TMC2: variants seen among roughly 807,000 people sequenced by gnomAD.
TMC2 encodes transmembrane channel-like protein 2.
A neutral mutation model predicts 105.9 loss-of-function variants in TMC2; 102 were observed. That is an observed-to-expected ratio of 0.96 (90% confidence interval 0.82 to 1.14). The LOEUF is 1.14. TMC2 is among the 50% of genes most tolerant of loss of function. The probability of loss-of-function intolerance (pLI) is 0.00; values close to 1 mark genes in which losing one functional copy is unlikely to be tolerated. For missense variants in TMC2, 1,093 were observed against 1,134.3 expected (o/e 0.96, Z 0.52); for synonymous variants, 402 against 422.8 (o/e 0.95, Z 0.60).
Position 2,575,723 on chromosome 20 carries a change from C to T in TMC2, c.646-3423C>T, listed in dbSNP as rs114323385. Among the ~76,000 whole-genome samples, 934 of 152,074 alleles carry T rather than the reference C, an allele frequency of 6.1e-3. 13 individuals are homozygous for T. The highest frequency in any genetic ancestry group is 0.022 in the African/African-American group (898 of 41,470). On this transcript the variant is annotated intron_variant, in intron 5 of 19. Transcript: ENST00000358864. Reference sequence around the variant, plus strand: ...GGATTGCCTCCCCCCACCCCCATCCCCCATATTTACTTTTCCACGTTATTT... The same window carrying T: ...GGATTGCCTCCCCCCACCCCCATCCTCCATATTTACTTTTCCACGTTATTT...
intron 18 of TMC2, among the ~76,000 whole-genome samples, chr20:2,636,930 C>G (rs1327308652): frequency 6.6e-6 from 1 of 152,150 alleles, no homozygotes; most frequent in African/African-American, 2.4e-5. Context: ...GTTAATCTCA[C>G]TGGGCTCCTG....
intron 7 of TMC2, among the ~76,000 whole-genome samples, chr20:2,585,026 C>A (rs2086222825): frequency 6.6e-6 from 1 of 152,116 alleles, no homozygotes; most frequent in Non-Finnish European, 1.5e-5. Flanking sequence ...ATTTCTGTTC[C>A]CAAAGTTTTG....
chr20:2,602,084 T>C, intron 10 of TMC2, 29 bp from the exon 11 acceptor site: 1 of 1,559,180 alleles, frequency 6.4e-7, no homozygotes, highest in South Asian at 1.2e-5. Flanking sequence ...GGCCTGACAT[T>C]TATGCACATC....
At chr20:2,593,322 A>G (rs2086282274) in intron 8 of TMC2, among the ~76,000 whole-genome samples, 1 of 152,234 alleles carries the variant, frequency 6.6e-6, no homozygotes, top group Non-Finnish European at 1.5e-5. Context: ...ATTGAAGATG[A>G]GATTTGGCTG....
chr20:2,543,718 G>T (rs945204986), intron 2 of TMC2, among the ~76,000 whole-genome samples: 2 of 152,140 alleles, frequency 1.3e-5, no homozygotes, highest in African/African-American at 4.8e-5. Context: ...TCAGTATGAG[G>T]GAAGATGGTT....
chr20:2,543,911 T>G (rs952844633), intron 2 of TMC2, among the ~76,000 whole-genome samples: 1 of 151,542 alleles, frequency 6.6e-6, no homozygotes, highest in Non-Finnish European at 1.5e-5. Context: ...CAGTTTTTTT[T>G]TTTTTTTTTG....
chr20:2,623,689 G>T (rs1471626183), intron 16 of TMC2, among the ~76,000 whole-genome samples: 2 of 152,192 alleles, frequency 1.3e-5, no homozygotes, highest in Non-Finnish European at 2.9e-5. Flanking sequence ...GCATCCAGGA[G>T]TCTCTGGGCC....
chr20:2,553,086 T>C (rs1487042007), intron 2 of TMC2, among the ~76,000 whole-genome samples: 4 of 152,222 alleles, frequency 2.6e-5, no homozygotes, highest in Non-Finnish European at 5.9e-5. Context: ...TAGTCTACTG[T>C]TAATATCCTT....
intron 17 of TMC2, among the ~76,000 whole-genome samples, chr20:2,633,670 C>T (rs1385228874): frequency 2.0e-5 from 3 of 152,164 alleles, no homozygotes; most frequent in African/African-American, 7.2e-5. Flanking sequence ...TTAAGGTGCT[C>T]CAAATCCATT....
intron 7 of TMC2, among the ~76,000 whole-genome samples, chr20:2,585,836 C>T (rs1471724387): frequency 6.6e-6 from 1 of 152,148 alleles, no homozygotes; most frequent in Non-Finnish European, 1.5e-5. Flanking sequence ...GGAAATAGAG[C>T]AAAAAGAAGC....
chr20:2,639,574 CACA>C (rs1363757319), intron 19 of TMC2, among the ~76,000 whole-genome samples: 3 of 152,172 alleles, frequency 2.0e-5, no homozygotes, highest in Admixed American at 6.5e-5. Flanking sequence ...ATGATGGTCA[CACA>C]ACAACAAAAT....
intron 17 of TMC2, among the ~76,000 whole-genome samples, chr20:2,634,052 T>C (rs1209299919): frequency 6.6e-6 from 1 of 152,236 alleles, no homozygotes; most frequent in African/African-American, 2.4e-5. Flanking sequence ...TCATCTTTGT[T>C]GTTCCTTAGA....
At chr20:2,539,985 C>CTTT (rs1359747232) in intron 2 of TMC2, among the ~76,000 whole-genome samples, 2 of 113,662 alleles carry the variant, frequency 1.8e-5, no homozygotes, top group African/African-American at 6.4e-5. Flanking sequence ...CTTTTCTTTT[C>CTTT]TTTTCTTTTT....
At chr20:2,546,259 G>A (rs1256205510) in intron 2 of TMC2, among the ~76,000 whole-genome samples, 2 of 152,192 alleles carry the variant, frequency 1.3e-5, no homozygotes, top group East Asian at 3.8e-4. Flanking sequence ...GAATGAAACT[G>A]GGTAGCTCCT....
chr20:2,577,668 T>C (rs540508650), intron 5 of TMC2, among the ~76,000 whole-genome samples: 65 of 152,224 alleles, frequency 4.3e-4, no homozygotes, highest in Non-Finnish European at 5.1e-4. Flanking sequence ...TCCTAACACT[T>C]TGGGAGGCTG....
In TMC2 at chr20:2,537,319, G is replaced by C; in HGVS notation, c.82+3G>C. The C allele has an allele frequency of 6.3e-7, 1 of 1,598,146 alleles. No individual in the cohort carries two copies. Among genetic ancestry groups the C allele is most frequent in the South Asian group, 1.1e-5 (1 of 88,224 alleles). Reference sequence around the variant, plus strand: ...GAAGAGCGGCTCTCCACACACAGGTGAGATGGGGTGGTGGGGTCTCTGGGG... The same window carrying C: ...GAAGAGCGGCTCTCCACACACAGGTCAGATGGGGTGGTGGGGTCTCTGGGG... On this transcript the variant is annotated splice_donor_region_variant and intron_variant, in intron 2 of 19. Coordinates refer to ENST00000358864, the MANE Select transcript of TMC2 (RefSeq NM_080751.3).
Position 2,561,834 on chromosome 20 carries a change from C to A in TMC2, c.402-24C>A, listed in dbSNP as rs200846261. The A allele has an allele frequency of 4.7e-5, 75 of 1,605,942 alleles. 1 individual carries two copies. The African/African-American group carries it at 9.4e-4, about 20-fold the overall frequency. ...CCACCTCCTTTCCAACTTCCCTCTGCCTCCGCCCTGGCTCTGCCTCCAGGT... is the reference window on the plus strand; with the variant it reads ...CCACCTCCTTTCCAACTTCCCTCTGACTCCGCCCTGGCTCTGCCTCCAGGT... On this transcript the variant is annotated intron_variant, in intron 3 of 19. Coordinates refer to ENST00000358864, the MANE Select transcript of TMC2 (RefSeq NM_080751.3).
At chr20:2,568,760 G>T (rs181798248) in intron 4 of TMC2, among the ~76,000 whole-genome samples, 10 of 152,168 alleles carry the variant, frequency 6.6e-5, no homozygotes, top group African/African-American at 1.4e-4. Context: ...CCTGCCAAGG[G>T]GGGGAACAGG....
chr20:2,613,933 AT>A (rs1248962794), intron 14 of TMC2: 1 of 156,968 alleles, frequency 6.4e-6, no homozygotes, highest in Non-Finnish European at 1.4e-5. Context: ...ACTGGTGTGC[AT>A]GTAAGGTACC....
Sources: gnomAD v4.1 joint callset for allele counts (sites outside exome capture counted in the v4.1 genomes callset) on GRCh38, gnomAD v4.1.1 for gene constraint, MANE v1.5 for transcripts, NCBI Gene and HGNC (gene_info 2026-07-23, HGNC 2026-07-21) for gene names.